The following ZFHX3 variants were observed in gnomAD, a reference collection of about 807,000 sequenced individuals.
ZFHX3 encodes zinc finger homeobox protein 3.
In ZFHX3, 42 loss-of-function variants were observed where a neutral mutation model predicts 279.1. That is an observed-to-expected ratio of 0.15 (90% CI 0.12 to 0.19). ZFHX3 has a LOEUF of 0.19. Ranked by LOEUF, ZFHX3 falls within the 10% of genes least tolerant of loss-of-function variation. The pLI is 1.00. For synonymous variants in ZFHX3, 2,293 were observed against 1,957.8 expected, an observed-to-expected ratio of 1.17 and a Z score of -4.52; for missense variants, 4,981 against 4,754.0, an observed-to-expected ratio of 1.05 and a Z score of -1.40.
intron 1 of ZFHX3, among the ~76,000 whole-genome samples, chr16:73,835,506 T>C (rs565019852): frequency 7.0e-6 from 1 of 142,888 alleles, no homozygotes; most frequent in Non-Finnish European, 1.5e-5. Flanking sequence ...GTTTCACTCT[T>C]GTCATCAAGG....
chr16:73,609,493 TTGATTTAAACAAAGGG>T (rs1254696698), intron 2 of ZFHX3: 2 of 152,200 alleles, frequency 1.3e-5, no homozygotes, highest in African/African-American at 4.8e-5. Flanking sequence ...TTAGAATGCT[TTGATTTAAACAAAGGG>T]TATCAGCGGA....
At chr16:73,478,412 A>C (rs2018807097) in intron 2 of ZFHX3, among the ~76,000 whole-genome samples, 1 of 152,154 alleles carries the variant, frequency 6.6e-6, no homozygotes, top group South Asian at 2.1e-4. Context: ...AGTTTATTTT[A>C]ATGCAGTAAT....
At chr16:73,007,989 T>G (rs1439735196) in intron 1 of ZFHX3, among the ~76,000 whole-genome samples, 3 of 152,334 alleles carry the variant, frequency 2.0e-5, no homozygotes, top group African/African-American at 7.2e-5. Context: ...CTTTTCTTAA[T>G]TAAACATGAT....
chr16:73,396,316 C>T (rs1427909380), intron 3 of ZFHX3, among the ~76,000 whole-genome samples: 1 of 152,206 alleles, frequency 6.6e-6, no homozygotes, highest in Non-Finnish European at 1.5e-5. Flanking sequence ...ACCATGTAGG[C>T]TCAAACTGGA....
chr16:73,808,684 G>A (rs1173526863), intron 1 of ZFHX3, among the ~76,000 whole-genome samples: 1 of 152,192 alleles, frequency 6.6e-6, no homozygotes, highest in African/African-American at 2.4e-5. Context: ...CCTTGATTAT[G>A]TGATGTACAA....
At chr16:72,992,634 T>G (rs189334945) in intron 1 of ZFHX3, among the ~76,000 whole-genome samples, 129 of 152,246 alleles carry the variant, frequency 8.5e-4, no homozygotes, top group Non-Finnish European at 1.1e-3. Flanking sequence ...CCAGCACTTC[T>G]CTAGGTCTTA....
chr16:73,310,458 T>A (rs1290851982), intron 4 of ZFHX3, among the ~76,000 whole-genome samples: 1 of 152,262 alleles, frequency 6.6e-6, no homozygotes, highest in Non-Finnish European at 1.5e-5. Flanking sequence ...TTCCTGCATA[T>A]GCAACTGAAG....
chr16:72,831,765 A>G (rs1426684336), intron 4 of ZFHX3, among the ~76,000 whole-genome samples: 1 of 152,220 alleles, frequency 6.6e-6, no homozygotes, highest in African/African-American at 2.4e-5. Context: ...CATTCGGTCT[A>G]CCCAGATGAG....
At position 72,949,414 on chromosome 16, in the gene ZFHX3, T is replaced by C. The variant is rs141736267; in HGVS notation, c.3216+1055A>G. ...GGCCAGGGAGATTTATGGCGATTTG[T>C]ACCTGATTGTTCATACTAAAGCCAT... is the stretch of plus-strand genomic sequence containing the variant. On this transcript the variant is annotated intron_variant, in intron 3 of 9. Coordinates refer to ENST00000268489, the MANE Select transcript of ZFHX3 (RefSeq NM_006885.4). Among the ~76,000 whole-genome samples, 169 of 152,304 alleles carry C rather than the reference T, an allele frequency of 1.1e-3. 1 individual carries two copies. The highest frequency in any genetic ancestry group is 1.9e-3 in the Non-Finnish European group (128 of 68,024).
At chr16:73,111,519 C>T (rs1227854047) in intron 7 of ZFHX3, among the ~76,000 whole-genome samples, 2 of 148,866 alleles carry the variant, frequency 1.3e-5, no homozygotes, top group African/African-American at 2.4e-5. Flanking sequence ...CTACACTCTC[C>T]TATGTTTCAA....
At chr16:73,678,080 T>G (rs1029676072) in intron 2 of ZFHX3, among the ~76,000 whole-genome samples, 3 of 152,100 alleles carry the variant, frequency 2.0e-5, no homozygotes, top group Admixed American at 2.0e-4. Context: ...AGAGACAAGT[T>G]TGGCATTACC....
chr16:73,694,680 T>C (rs2053179530), intron 1 of ZFHX3, among the ~76,000 whole-genome samples: 1 of 152,188 alleles, frequency 6.6e-6, no homozygotes, highest in Admixed American at 6.5e-5. Flanking sequence ...TCAGTTTCTT[T>C]TAGTTGAACA....
intron 2 of ZFHX3, among the ~76,000 whole-genome samples, chr16:73,592,541 A>C (rs1295953952): frequency 1.3e-5 from 2 of 152,196 alleles, no homozygotes; most frequent in South Asian, 2.1e-4. Flanking sequence ...TATATACTAA[A>C]ATATTTATGA....
intron 5 of ZFHX3, among the ~76,000 whole-genome samples, chr16:73,154,593 A>T (rs1391676700): frequency 1.3e-5 from 2 of 152,192 alleles, no homozygotes; most frequent in Non-Finnish European, 2.9e-5. Flanking sequence ...TCCTCAGGGC[A>T]TTTGTGGTGA....
At chr16:73,295,968 C>T (rs1330655886) in intron 4 of ZFHX3, among the ~76,000 whole-genome samples, 2 of 152,136 alleles carry the variant, frequency 1.3e-5, no homozygotes, top group Non-Finnish European at 2.9e-5. Context: ...GGAATGGTGC[C>T]CCAGCCACTG....
intron 2 of ZFHX3, chr16:73,543,880 G>A (rs2020061300): frequency 6.9e-6 from 1 of 145,566 alleles, no homozygotes; most frequent in Non-Finnish European, 1.5e-5. Flanking sequence ...GAGAGAGCGA[G>A]AGAGGGAGAG....
At chr16:73,071,284 C>A (rs1258107972) in intron 8 of ZFHX3, among the ~76,000 whole-genome samples, 3 of 151,942 alleles carry the variant, frequency 2.0e-5, no homozygotes, top group African/African-American at 7.3e-5. Flanking sequence ...TGCTTTCTTT[C>A]TTTATTTATG....
intron 2 of ZFHX3, chr16:73,609,178 A>G (rs1191708786): frequency 1.3e-5 from 2 of 152,220 alleles, no homozygotes; most frequent in Non-Finnish European, 2.9e-5. Flanking sequence ...ACTTAACGCC[A>G]TTTCAGAAGT....
chr16:72,950,673 C>G lies in ZFHX3; in HGVS notation c.3012G>C (p.Lys1004Asn). 1 of 1,614,236 alleles carries G rather than the reference C, an allele frequency of 6.2e-7. No homozygotes were observed. The highest frequency in any genetic ancestry group is 8.5e-7 in the Non-Finnish European group (1 of 1,180,040). Residue 1004 changes from lysine to asparagine, a missense_variant, in exon 3 of 10, where the codon AAG becomes AAC. By Grantham distance (94) the Lys-to-Asn change is moderately conservative (BLOSUM62 0). Around this residue, in one of 7 missense-constraint regions of ZFHX3, gnomAD observed 1,751 missense variants for 1,770.0 expected, o/e 0.99. Coordinates refer to ENST00000268489, the MANE Select transcript of ZFHX3 (RefSeq NM_006885.4). Reference protein sequence around the residue: ...QLKANFQLHCKTDKHVQKYQL... With the variant: ...QLKANFQLHCNTDKHVQKYQL... ...GGTACTTCTGCACGTGCTTGTCTGT[C>G]TTGCAGTGCAGCTGGAAGTTGGCCT...
Sources: gnomAD v4.1 joint callset for allele counts (sites outside exome capture counted in the v4.1 genomes callset) on GRCh38, gnomAD v4.1.1 for gene constraint, gnomAD v4.1.1 regional missense constraint, MANE v1.5 for transcripts, NCBI Gene and HGNC (gene_info 2026-07-23, HGNC 2026-07-21) for gene names.